The following PCYOX1 variants were observed in gnomAD, a reference collection of about 807,000 sequenced individuals.
PCYOX1 encodes the protein prenylcysteine oxidase 1.
PCYOX1 carries 46 observed loss-of-function variants against 46.4 expected under a neutral mutation model. The observed-to-expected ratio is 0.99, with a 90% CI of 0.78 to 1.27. The LOEUF (loss-of-function observed/expected upper bound fraction) is 1.27. Ranked by LOEUF, PCYOX1 falls within the 50% of genes most tolerant of loss-of-function variation. The pLI is 0.00. For synonymous variants in PCYOX1, 220 were observed against 231.8 expected (o/e 0.95, Z 0.46); for missense variants, 658 against 628.3 (o/e 1.05, Z -0.51).
intron 3 of PCYOX1, among the ~76,000 whole-genome samples, chr2:70,265,770 G>A (rs530725532): frequency 2.0e-5 from 3 of 152,138 alleles, no homozygotes; most frequent in Non-Finnish European, 4.4e-5. Context: ...TCAAGTTAGT[G>A]CATTTCTGGG....
rs2862184 is a variant in PCYOX1, at chr2:70,274,403, G to A, written c.495-556G>A. ...AGTAGAGACGGGGTTTCACCATGTTGGTCAGGCTGGTCTCAAACTCCTGAC... is the reference window on the plus strand; with the variant it reads ...AGTAGAGACGGGGTTTCACCATGTTAGTCAGGCTGGTCTCAAACTCCTGAC... On this transcript the variant is annotated intron_variant, in intron 3 of 5. Coordinates refer to ENST00000433351, the MANE Select transcript of PCYOX1 (RefSeq NM_016297.4). Among the ~76,000 whole-genome samples, 962 of 151,582 alleles carry A rather than the reference G, an allele frequency of 6.3e-3. 11 individuals are homozygous for A. Among genetic ancestry groups the A allele is most frequent in the African/African-American group, 0.022 (920 of 41,378 alleles).
Position 70,280,495 on chromosome 2 carries a change from C to T in PCYOX1, c.*3103C>T, listed in dbSNP as rs895029559. 2.0e-5 allele frequency: 3 copies of T among 152,260 alleles called. No homozygotes were observed. The highest frequency in any genetic ancestry group is 7.2e-5 in the African/African-American group (3 of 41,556). 9.4% of individuals were successfully genotyped at this position (152,260 alleles called of 1,614,324 possible). On this transcript the variant is annotated 3_prime_UTR_variant, in exon 6 of 6. Coordinates refer to ENST00000433351, the MANE Select transcript of PCYOX1 (RefSeq NM_016297.4). ...GGCTTGTTAAAACATCGCTAGGCTC[C>T]ACCCTGTTTATTCAATAAGTTTGTT...
Position 70,277,443 on chromosome 2 carries a change from A to C in PCYOX1, c.*51A>C, listed in dbSNP as rs759957150. The C allele has an allele frequency of 1.4e-6, 2 of 1,388,554 alleles. No homozygotes were observed. The highest frequency in any genetic ancestry group is 2.0e-6 in the Non-Finnish European group (2 of 1,011,310). 86.0% of individuals were successfully genotyped at this position (1,388,554 alleles called of 1,614,324 possible). ...TAGTTCCAAATGACTATCAGTGGCA[A>C]AAAAGAACAAAATCTGAGCAGAGAT... On this transcript the variant is annotated 3_prime_UTR_variant, in exon 6 of 6. Coordinates refer to ENST00000433351, the MANE Select transcript of PCYOX1 (RefSeq NM_016297.4).
In PCYOX1 at chr2:70,261,336, A is replaced by G. The variant is rs139114641; in HGVS notation, c.444A>G (p.Gln148=). 64 of 1,613,282 alleles carry G rather than the reference A, an allele frequency of 4.0e-5. No individual in the cohort carries two copies. Among genetic ancestry groups the G allele is most frequent in the African/African-American group, 3.5e-4 (26 of 75,028 alleles). ...AATTAGTTTGGCGCTATGGATTTCA[A>G]TCCCTCCGTATGCACATGTGGGTAG... ...VIKLVWRYGF[Q]SLRMHMWVED... is the part of the protein sequence containing the mutation. Residue 148 remains glutamine (Q), a synonymous_variant, in exon 3 of 6, where the codon CAA becomes CAG. Transcript: ENST00000433351.
intron 3 of PCYOX1, among the ~76,000 whole-genome samples, chr2:70,263,004 C>A (rs1041817973): frequency 6.6e-6 from 1 of 152,100 alleles, no homozygotes; most frequent in Non-Finnish European, 1.5e-5. Flanking sequence ...GAGGCTGAGG[C>A]TGGTGGATCA....
Position 70,277,572 on chromosome 2 carries a change from T to G in PCYOX1, c.*180T>G. 1 of 537,894 alleles carries G rather than the reference T, an allele frequency of 1.9e-6. No individual in the cohort carries two copies. The highest frequency in any genetic ancestry group is 3.3e-6 in the Non-Finnish European group (1 of 306,428). The allele number at this position is 537,894 out of a possible 1,614,324, so 33.3% of individuals were successfully genotyped here. A position where few individuals can be genotyped will look rare whatever the true frequency, so the allele number is the denominator to read the frequency against. On this transcript the variant is annotated 3_prime_UTR_variant, in exon 6 of 6. Transcript: ENST00000433351. ...TAATTAAGTGTGAAGGTATAGCTAT[T>G]GCACTTATGCCATCTCCAAAATTTC...
chr2:70,259,205 G>A lies in PCYOX1; in HGVS notation c.113-155G>A, dbSNP rs1465442258. Among the ~76,000 whole-genome samples, 5 of 152,326 alleles carry A rather than the reference G, an allele frequency of 3.3e-5. No individual in the cohort carries two copies. In the East Asian group the frequency reaches 9.6e-4, roughly 29 times the overall value. On this transcript the variant is annotated intron_variant, in intron 1 of 5. Coordinates refer to ENST00000433351, the MANE Select transcript of PCYOX1 (RefSeq NM_016297.4). ...AACAGTGTCTGTCCAGATTCAGGGA[G>A]TTAGACCTTCGCTGCAGGTGTCACT...
chr2:70,264,563 T>C (rs1474943628), intron 3 of PCYOX1, among the ~76,000 whole-genome samples: 1 of 151,412 alleles, frequency 6.6e-6, no homozygotes, highest in Non-Finnish European at 1.5e-5. Context: ...CTGGCCTTAA[T>C]TGATCTGCCC....
chr2:70,272,332 G>C (rs1013997793), intron 3 of PCYOX1, among the ~76,000 whole-genome samples: 1 of 152,010 alleles, frequency 6.6e-6, no homozygotes, highest in African/African-American at 2.4e-5. Context: ...TCGCTATGTT[G>C]GCCAGGCTGG....
chr2:70,267,819 T>G (rs972638071), intron 3 of PCYOX1, among the ~76,000 whole-genome samples: 19 of 151,742 alleles, frequency 1.3e-4, no homozygotes, highest in African/African-American at 4.3e-4. Flanking sequence ...GGGAGAGCTG[T>G]TTTTTGTTTT....
At chr2:70,272,378 C>T (rs1171380188) in intron 3 of PCYOX1, among the ~76,000 whole-genome samples, 8 of 152,154 alleles carry the variant, frequency 5.3e-5, no homozygotes, top group Non-Finnish European at 8.8e-5. Context: ...CTGCCCGCCT[C>T]AGCCTCCCAA....
chr2:70,271,746 A>T (rs998162005), intron 3 of PCYOX1, among the ~76,000 whole-genome samples: 4 of 152,146 alleles, frequency 2.6e-5, no homozygotes, highest in African/African-American at 9.7e-5. Context: ...AAAATTTCTA[A>T]ATTTAGTTTA....
intron 4 of PCYOX1, 35 bp from the exon 5 acceptor site, chr2:70,275,479 T>G: frequency 6.2e-7 from 1 of 1,607,012 alleles, no homozygotes; most frequent in Non-Finnish European, 8.5e-7. Flanking sequence ...TTACAAAAAG[T>G]CAGAATTAAA....
In PCYOX1 at chr2:70,265,760, T is replaced by C. The variant is rs567421197; in HGVS notation, c.494+4374T>C. On this transcript the variant is annotated intron_variant, in intron 3 of 5. Transcript: ENST00000433351. Reference sequence around the variant, plus strand: ...CTAGGTTAAAGCTTATTCTTCTCTCTCAAGTTAGTGCATTTCTGGGGACTT... The same window carrying C: ...CTAGGTTAAAGCTTATTCTTCTCTCCCAAGTTAGTGCATTTCTGGGGACTT... Among the ~76,000 whole-genome samples, 21 of 152,284 alleles carry C rather than the reference T, an allele frequency of 1.4e-4. 1 individual carries two copies. The South Asian group carries it at 4.1e-3, about 30-fold the overall frequency.
chr2:70,266,775 G>T (rs1304499300), intron 3 of PCYOX1, among the ~76,000 whole-genome samples: 7 of 152,234 alleles, frequency 4.6e-5, no homozygotes, highest in African/African-American at 1.7e-4. Flanking sequence ...AGAGCATGGG[G>T]TTGGGGGTAA....
intron 3 of PCYOX1, among the ~76,000 whole-genome samples, chr2:70,265,482 C>T (rs1037395153): frequency 6.6e-6 from 1 of 152,114 alleles, no homozygotes; most frequent in Non-Finnish European, 1.5e-5. Context: ...TGAGCCACCG[C>T]GCTCAGCCGG....
At chr2:70,261,568 G>A (rs1225730663) in intron 3 of PCYOX1, among the ~76,000 whole-genome samples, 182 bp downstream of exon 3, 1 of 152,150 alleles carries the variant, frequency 6.6e-6, no homozygotes, top group East Asian at 1.9e-4. Flanking sequence ...GATATTGAAA[G>A]GTTGGTTTAT....
rs757247920 is a variant in PCYOX1 at position 70,277,022 on chromosome 2, T to C, written c.1148T>C (p.Ile383Thr). 6.2e-7 allele frequency: 1 copy of C among 1,613,982 alleles called. No homozygotes were observed. Among genetic ancestry groups the C allele is most frequent in the South Asian group, 1.1e-5 (1 of 91,070 alleles). The stretch of plus-strand genomic sequence containing the variant: ...AATTCAGATTTGTTCATTAACAGTA[T>C]TGGGATTGTGCCCTCTGTGAGAGAA... ...TDNSDLFINS[I>T]GIVPSVREKE... The change falls in exon 6 of 6, where the codon ATT becomes ACT. Residue 383 changes from isoleucine to threonine, a missense_variant. Physicochemically the swap from Ile to Thr is moderately conservative, Grantham distance 89 (BLOSUM62 -1). Coordinates refer to ENST00000433351, the MANE Select transcript of PCYOX1 (RefSeq NM_016297.4).
chr2:70,267,216 A>G (rs1366496542), intron 3 of PCYOX1, among the ~76,000 whole-genome samples: 1 of 149,862 alleles, frequency 6.7e-6, no homozygotes, highest in Non-Finnish European at 1.5e-5. Context: ...GGCGCTCCCC[A>G]CATCCCAGAC....
Sources: gnomAD v4.1 joint callset for allele counts (sites outside exome capture counted in the v4.1 genomes callset) on GRCh38, gnomAD v4.1.1 for gene constraint, MANE v1.5 for transcripts, NCBI Gene and HGNC (gene_info 2026-07-23, HGNC 2026-07-21) for gene names.